DKK3: variants seen among roughly 807,000 people sequenced by gnomAD.
The protein encoded by DKK3 is dickkopf-related protein 3.
In DKK3, 22 loss-of-function variants were observed where a neutral mutation model predicts 33.2. The observed-to-expected ratio is 0.66, with a 90% CI of 0.47 to 0.95. The LOEUF (loss-of-function observed/expected upper bound fraction) is 0.95, where lower values mean the gene tolerates loss of function less well. DKK3 is among the 40% of genes least tolerant of loss of function. DKK3 has a pLI of 0.00. For synonymous variants in DKK3, 194 were observed against 188.8 expected, an observed-to-expected ratio of 1.03 and a Z score of -0.23; for missense variants, 398 against 458.4, an observed-to-expected ratio of 0.87 and a Z score of 1.20.
intron 3 of DKK3, among the ~76,000 whole-genome samples, chr11:11,997,330 C>T (rs900331599): frequency 6.6e-6 from 1 of 152,194 alleles, no homozygotes; most frequent in African/African-American, 2.4e-5. Flanking sequence ...AGGCCTCAAT[C>T]CTTCATCAAA....
chr11:11,999,611 G>A (rs1162711286), intron 2 of DKK3, among the ~76,000 whole-genome samples: 1 of 152,040 alleles, frequency 6.6e-6, no homozygotes, highest in Non-Finnish European at 1.5e-5. Context: ...CTGGGCGATA[G>A]AGTGAGACTC....
At chr11:12,005,118 G>A (rs1357833285) in intron 1 of DKK3, among the ~76,000 whole-genome samples, 2 of 152,088 alleles carry the variant, frequency 1.3e-5, no homozygotes, top group Admixed American at 6.5e-5. Context: ...AATTCCCATC[G>A]GGATCAGTTT....
upstream of DKK3, chr11:12,009,080 T>A: frequency 2.0e-6 from 2 of 984,266 alleles, no homozygotes; most frequent in South Asian, 9.4e-5. Flanking sequence ...CCCCTTGGCG[T>A]CGGGTCCTAC....
At chr11:11,976,860 G>A (rs375331509) in intron 3 of DKK3, among the ~76,000 whole-genome samples, 9 of 152,274 alleles carry the variant, frequency 5.9e-5, no homozygotes, top group East Asian at 1.9e-4. Flanking sequence ...CAGGCCAGTC[G>A]CAGGAGCCTG....
At chr11:12,000,229 G>C (rs931139818) in intron 2 of DKK3, among the ~76,000 whole-genome samples, 5 of 152,128 alleles carry the variant, frequency 3.3e-5, no homozygotes, top group Non-Finnish European at 7.3e-5. Flanking sequence ...TTTTGACACA[G>C]AGTCTTGCTC....
chr11:11,966,653 G>A (rs1847603347), intron 5 of DKK3, among the ~76,000 whole-genome samples: 1 of 152,144 alleles, frequency 6.6e-6, no homozygotes, highest in Non-Finnish European at 1.5e-5. Flanking sequence ...ACAGGTAGAG[G>A]AACCTGGGAA....
intron 2 of DKK3, among the ~76,000 whole-genome samples, chr11:12,001,289 T>C (rs765180170): frequency 1.2e-4 from 18 of 152,232 alleles, no homozygotes; most frequent in Non-Finnish European, 2.2e-4. Flanking sequence ...TCATACACTC[T>C]GTAGCTGATC....
intron 3 of DKK3, among the ~76,000 whole-genome samples, chr11:11,983,500 C>T (rs920584443): frequency 1.3e-5 from 2 of 152,232 alleles, no homozygotes; most frequent in Non-Finnish European, 2.9e-5. Context: ...GACCTGTAAT[C>T]CCTCCTGACA....
rs529782246 is a variant in DKK3, at chr11:11,993,373, T to C, written c.435+5323A>G. 8.9e-4 allele frequency among the ~76,000 whole-genome samples: 135 copies of C among 151,498 alleles called. No individual in the cohort carries two copies. The Middle Eastern group carries it at 0.01, about 12-fold the overall frequency. On this transcript the variant is annotated intron_variant, in intron 3 of 6. Coordinates refer to ENST00000683431, the MANE Select transcript of DKK3 (RefSeq NM_001018057.2). ...ACTTTAAATATTATATATACTGTTC[T>C]GCAATTTTTTTTCACTTAATGTTTG... is the stretch of plus-strand genomic sequence containing the variant.
chr11:12,000,344 C>T (rs536982475), intron 2 of DKK3, among the ~76,000 whole-genome samples: 2 of 152,080 alleles, frequency 1.3e-5, no homozygotes, highest in East Asian at 3.9e-4. Flanking sequence ...GTAGCTGGGA[C>T]TACAGGTGCG....
intron 3 of DKK3, among the ~76,000 whole-genome samples, chr11:11,988,045 T>C (rs1050822183): frequency 6.6e-6 from 1 of 152,182 alleles, no homozygotes; most frequent in African/African-American, 2.4e-5. Context: ...AATCCTCTTT[T>C]CACAGAGCAG....
intron 4 of DKK3, 62 bp downstream of exon 4, chr11:11,968,333 G>A: frequency 1.3e-6 from 2 of 1,514,968 alleles, no homozygotes; most frequent in Non-Finnish European, 9.0e-7. Context: ...GGGGCCCCTG[G>A]CTTTCTCCCC....
chr11:11,964,402 A>G lies in DKK3; in HGVS notation c.*62T>C. ...AGCCTGGTCAGCCCACGCCTAAAGC[A>G]CACACCTGGGGAAATAAATTAGCTA... On this transcript the variant is annotated 3_prime_UTR_variant, in exon 7 of 7. Transcript: ENST00000683431. The G allele has an allele frequency of 6.3e-7, 1 of 1,575,480 alleles. No individual in the cohort carries two copies. Among genetic ancestry groups the G allele is most frequent in the Non-Finnish European group, 8.6e-7 (1 of 1,165,248 alleles).
Position 12,008,496 on chromosome 11 carries a change from CG to C in DKK3, c.86del (p.Ser29TrpfsTer29). 6.3e-7 allele frequency: 1 copy of C among 1,598,460 alleles called. No individual in the cohort carries two copies. The highest frequency in any genetic ancestry group is 1.1e-5 in the South Asian group (1 of 89,930). On this transcript the variant is annotated frameshift_variant, in exon 1 of 7. Transcript: ENST00000683431. LOFTEE classifies it high-confidence loss of function. This position sits in a 1 kb window ranked among gnomAD's most constrained non-coding sequence, Gnocchi z 4.6. ...GAGCCGGGCCGGGCTTGACTGGAGCCGAGGTCGCCGTCGGAGCGGGCGCGGG... is the reference window on the plus strand; with the variant it reads ...GAGCCGGGCCGGGCTTGACTGGAGCCAGGTCGCCGTCGGAGCGGGCGCGGG... ...TAPAPAPTATSAPVKPGPALS... is the reference protein window; with the variant it reads ...TAPAPAPTATXAPVKPGPALS...
chr11:12,001,346 A>C, intron 2 of DKK3, among the ~76,000 whole-genome samples: 1 of 152,188 alleles, frequency 6.6e-6, no homozygotes, highest in East Asian at 1.9e-4. Flanking sequence ...TGCCACACAA[A>C]AGCTACTTTA....
intron 3 of DKK3, among the ~76,000 whole-genome samples, chr11:11,970,891 A>T (rs1187261337): frequency 6.6e-6 from 1 of 152,248 alleles, no homozygotes; most frequent in Admixed American, 6.5e-5. Flanking sequence ...CAGAACTGGA[A>T]AACAGTAAAT....
intron 3 of DKK3, among the ~76,000 whole-genome samples, chr11:11,979,403 C>T (rs887473610): frequency 3.9e-5 from 6 of 152,196 alleles, no homozygotes; most frequent in East Asian, 1.9e-4. Context: ...CATGTGACTC[C>T]GGGAGAAATG....
chr11:11,999,629 A>AAAAC (rs56999763), intron 2 of DKK3, among the ~76,000 whole-genome samples: 60 of 152,028 alleles, frequency 3.9e-4, no homozygotes, highest in Middle Eastern at 3.4e-3. Context: ...CTCCATCTCA[A>AAAAC]AAACAAACAA....
In DKK3 at chr11:11,964,447, C is replaced by T; in HGVS notation, c.*17G>A. On this transcript the variant is annotated 3_prime_UTR_variant, in exon 7 of 7. Coordinates refer to ENST00000683431, the MANE Select transcript of DKK3 (RefSeq NM_001018057.2). The stretch of plus-strand genomic sequence containing the variant: ...TAGCTATTTCTATTGCACATCTACC[C>T]ACAGCCTGGTCCAGATCTAAATCTC... 6.2e-7 allele frequency: 1 copy of T among 1,606,564 alleles called. No individual in the cohort carries two copies. Among genetic ancestry groups the T allele is most frequent in the Non-Finnish European group, 8.5e-7 (1 of 1,179,056 alleles).
Sources: allele counts gnomAD v4.1 joint callset (sites outside exome capture counted in the v4.1 genomes callset), GRCh38; gene constraint gnomAD v4.1.1; non-coding constraint Gnocchi (gnomAD v3.1); transcripts MANE v1.5; gene names NCBI Gene and HGNC (gene_info 2026-07-23, HGNC 2026-07-21).